Variants in HDAC9 observed in about 807,000 individuals in gnomAD.
HDAC9 encodes the protein MEF-2 interacting transcription repressor (MITR) protein.
HDAC9 carries 41 observed loss-of-function variants against 139.4 expected under a neutral mutation model. That is an observed-to-expected ratio of 0.29 (90% CI 0.23 to 0.38). HDAC9 has a LOEUF of 0.38. Among genes scored for constraint, HDAC9 ranks in the 10% least tolerant of loss-of-function variants. HDAC9 has a pLI of 1.00. For synonymous variants in HDAC9, 517 were observed against 476.2 expected, an observed-to-expected ratio of 1.09 and a Z score of -1.12; for missense variants, 1,147 against 1,297.0, an observed-to-expected ratio of 0.88 and a Z score of 1.78.
At chr7:18,284,186 C>G (rs1248481260) in intron 2 of HDAC9, among the ~76,000 whole-genome samples, 3 of 152,066 alleles carry the variant, frequency 2.0e-5, no homozygotes, top group African/African-American at 7.2e-5. Flanking sequence ...TTGTGTATTA[C>G]TTGATTTTAT....
intron 1 of HDAC9, among the ~76,000 whole-genome samples, chr7:18,339,317 G>T (rs946509188): frequency 6.6e-6 from 1 of 150,924 alleles, no homozygotes; most frequent in Non-Finnish European, 1.5e-5. Context: ...TGGGTTTCAT[G>T]TGCTTCTCTT....
chr7:18,989,933 G>A (rs1283583430), intron 25 of HDAC9, among the ~76,000 whole-genome samples: 2 of 151,594 alleles, frequency 1.3e-5, no homozygotes, highest in Admixed American at 6.6e-5. Context: ...CTCTGTGTTG[G>A]TTATTCTAGT....
chr7:18,838,681 C>G (rs1353932153), intron 21 of HDAC9, among the ~76,000 whole-genome samples: 1 of 151,822 alleles, frequency 6.6e-6, no homozygotes, highest in Non-Finnish European at 1.5e-5. Flanking sequence ...TTCTTGTTTC[C>G]TAGTATTGAA....
At chr7:18,837,616 T>A (rs1294059951) in intron 21 of HDAC9, among the ~76,000 whole-genome samples, 2 of 152,112 alleles carry the variant, frequency 1.3e-5, no homozygotes, top group Non-Finnish European at 2.9e-5. Context: ...ATAGATTTTT[T>A]AAATTATCGT....
At chr7:18,622,650 A>G (rs1340850867) in intron 6 of HDAC9, among the ~76,000 whole-genome samples, 2 of 151,956 alleles carry the variant, frequency 1.3e-5, no homozygotes, top group Non-Finnish European at 2.9e-5. Flanking sequence ...TCTAGTACTC[A>G]ATCTTGGTTA....
intron 2 of HDAC9, among the ~76,000 whole-genome samples, chr7:18,209,381 G>T (rs1791775475): frequency 1.3e-5 from 2 of 152,128 alleles, no homozygotes; most frequent in Non-Finnish European, 2.9e-5. Context: ...CTAAATTTTG[G>T]CTCAAACCCA....
intron 22 of HDAC9, among the ~76,000 whole-genome samples, chr7:18,918,313 G>GAGGA (rs1234303577): frequency 1.3e-5 from 2 of 151,654 alleles, no homozygotes; most frequent in East Asian, 3.9e-4. Context: ...GAAGGAGGTA[G>GAGGA]AGGAGCTGGC....
At chr7:18,574,532 G>T (rs1825378621) in intron 2 of HDAC9, among the ~76,000 whole-genome samples, 1 of 152,204 alleles carries the variant, frequency 6.6e-6, no homozygotes, top group African/African-American at 2.4e-5. Context: ...CTTGAAGGTG[G>T]GGCTTCACCA....
intron 6 of HDAC9, among the ~76,000 whole-genome samples, chr7:18,596,365 T>C (rs983963747): frequency 6.6e-6 from 1 of 152,126 alleles, no homozygotes; most frequent in African/African-American, 2.4e-5. Context: ...TGCCCTTCAT[T>C]AATTACAAAA....
rs115022006 is a variant in HDAC9, at chr7:18,832,636, T to C, written c.2467-2831T>C. On this transcript the variant is annotated intron_variant, in intron 19 of 25. Coordinates refer to ENST00000686413, the MANE Select transcript of HDAC9 (RefSeq NM_178425.4). ...TTTTCTTATCTTAGTTTATTATATA[T>C]GTGTTGCCATGAAGAAACAAGCTTT... 4.4e-3 allele frequency among the ~76,000 whole-genome samples: 677 copies of C among 152,342 alleles called. 4 individuals carry two copies. Among genetic ancestry groups the C allele is most frequent in the African/African-American group, 0.016 (653 of 41,576 alleles).
chr7:18,150,798 T>G (rs1251009779), intron 1 of HDAC9, among the ~76,000 whole-genome samples: 2 of 152,230 alleles, frequency 1.3e-5, no homozygotes, highest in Admixed American at 1.3e-4. Flanking sequence ...AGTGCATCTT[T>G]TATGCCCAAA....
At chr7:18,469,172 G>C (rs965963000) in intron 1 of HDAC9, among the ~76,000 whole-genome samples, 1 of 152,162 alleles carries the variant, frequency 6.6e-6, no homozygotes, top group Non-Finnish European at 1.5e-5. Context: ...GTGGGAAGGA[G>C]CTAAGATTTT....
At chr7:18,757,148 T>C (rs1264865261) in intron 14 of HDAC9, among the ~76,000 whole-genome samples, 1 of 152,208 alleles carries the variant, frequency 6.6e-6, no homozygotes, top group African/African-American at 2.4e-5. Context: ...GTATGGTATT[T>C]GTGGCAGAGT....
chr7:18,830,994 G>A (rs947944266), intron 19 of HDAC9, among the ~76,000 whole-genome samples: 1 of 152,170 alleles, frequency 6.6e-6, no homozygotes, highest in South Asian at 2.1e-4. Flanking sequence ...CTTTCTGTAA[G>A]TTCTATGCCA....
At chr7:18,709,712 G>A (rs1248928819) in intron 12 of HDAC9, among the ~76,000 whole-genome samples, 2 of 152,178 alleles carry the variant, frequency 1.3e-5, no homozygotes, top group Admixed American at 1.3e-4. Context: ...TCAAATGGGA[G>A]AATTTAAGGG....
chr7:18,279,707 AC>A (rs1018041339), intron 2 of HDAC9, among the ~76,000 whole-genome samples: 7 of 151,380 alleles, frequency 4.6e-5, no homozygotes, highest in Non-Finnish European at 1.5e-5. Flanking sequence ...CTCGTGATCC[AC>A]CCCCCTCGAC....
chr7:18,438,260 A>C (rs1791404926), intron 1 of HDAC9, among the ~76,000 whole-genome samples: 1 of 152,126 alleles, frequency 6.6e-6, no homozygotes. Context: ...TTATCAAGAA[A>C]AAGTTAATAT....
At chr7:18,387,028 G>C (rs532183551) in intron 1 of HDAC9, among the ~76,000 whole-genome samples, 21 of 152,296 alleles carry the variant, frequency 1.4e-4, no homozygotes, top group African/African-American at 4.8e-4. Context: ...AAGATTGCCA[G>C]TCTCAGATCT....
intron 10 of HDAC9, 145 bp from the exon 11 acceptor site, chr7:18,648,321 C>T: frequency 1.4e-6 from 1 of 698,898 alleles, no homozygotes. Flanking sequence ...TGCCTGGTAG[C>T]ATCACTAATT....
Sources: allele counts gnomAD v4.1 joint callset (sites outside exome capture counted in the v4.1 genomes callset), GRCh38; gene constraint gnomAD v4.1.1; transcripts MANE v1.5; gene names NCBI Gene and HGNC (gene_info 2026-07-23, HGNC 2026-07-21).